GPR20: variants seen among roughly 807,000 people sequenced by gnomAD.
GPR20 encodes the protein CTD-3064M3.3.
For synonymous variants in GPR20, 241 were observed against 241.9 expected, an observed-to-expected ratio of 1.00 and a Z score of 0.04; for missense variants, 494 against 527.4, an observed-to-expected ratio of 0.94 and a Z score of 0.62.
rs1554612254 is a variant in GPR20, at chr8:141,357,273, G to A, written c.651C>T (p.Gly217=). The change falls in exon 2 of 2, where the codon GGC becomes GGT. Residue 217 remains glycine (G), a synonymous_variant. Coordinates refer to ENST00000377741, the MANE Select transcript of GPR20 (RefSeq NM_005293.3). ...GCCGCGACAGTGCACACATGATGCG[G>A]CCGGTAAACACGCTGATGACCAGCA... ...LPLLVISVFT[G]RIMCALSRPG... is the part of the protein sequence containing the mutation. 5 of 1,542,952 alleles carry A rather than the reference G, an allele frequency of 3.2e-6. No individual in the cohort carries two copies. Among genetic ancestry groups the A allele is most frequent in the South Asian group, 1.2e-5 (1 of 84,918 alleles).
rs772120190 is a variant in GPR20, at chr8:141,357,710, C to T, written c.214G>A (p.Gly72Arg). The T allele has an allele frequency of 1.9e-5, 30 of 1,613,302 alleles. No individual in the cohort carries two copies. The highest frequency in any genetic ancestry group is 4.4e-5 in the South Asian group (4 of 91,086). ...AIFLAGLVLN[G>R]LALYVFCCRT... ...CAGCAGAAGACGTACAGCGCCAGCCCGTTGAGCACCAGCCCTGCCAGGAAG... is the reference window on the plus strand; with the variant it reads ...CAGCAGAAGACGTACAGCGCCAGCCTGTTGAGCACCAGCCCTGCCAGGAAG... The change falls in exon 2 of 2, where the codon GGG becomes AGG. Residue 72 changes from glycine to arginine, a missense_variant. Transcript: ENST00000377741.
chr8:141,361,870 A>G (rs1482301166), intron 1 of GPR20, among the ~76,000 whole-genome samples: 2 of 151,308 alleles, frequency 1.3e-5, no homozygotes, highest in African/African-American at 4.9e-5. Context: ...CAGAGCCCCC[A>G]CCCCTCCAGG....
rs1261036760 is a variant in GPR20 at position 141,357,834 on chromosome 8, C to T, written c.90G>A (p.Leu30=). 1 of 1,613,146 alleles carries T rather than the reference C, an allele frequency of 6.2e-7. No homozygotes were observed. The highest frequency in any genetic ancestry group is 8.5e-7 in the Non-Finnish European group (1 of 1,179,832). The change falls in exon 2 of 2, where the codon CTG becomes CTA. Residue 30 remains leucine, a synonymous_variant. Coordinates refer to ENST00000377741, the MANE Select transcript of GPR20 (RefSeq NM_005293.3). The part of the protein sequence containing the change: ...VTTVRTNASG[L]EVPLFHLFAR... The stretch of plus-strand genomic sequence containing the variant: ...CAAACAGGTGGAACAGGGGCACCTC[C>T]AGCCCGCTGGCATTGGTCCGCACTG...
In GPR20 at chr8:141,357,446, G is replaced by A. The variant is rs769778958; in HGVS notation, c.478C>T (p.Arg160Cys). The A allele has an allele frequency of 1.4e-5, 23 of 1,603,014 alleles. No homozygotes were observed. The highest frequency in any genetic ancestry group is 3.4e-5 in the Admixed American group (2 of 58,932). The change falls in exon 2 of 2, where the codon CGC (arginine) becomes TGC (cysteine). Residue 160 changes from arginine (R) to cysteine (C), a missense_variant. Transcript: ENST00000377741. ...LAIVRPEGSRRCRQPACARAV... is the reference protein window; with the variant it reads ...LAIVRPEGSRCCRQPACARAV... ...CTGGCACAGGCAGGCTGGCGGCAGCGGCGGGAGCCTTCGGGCCGCACGATG... is the reference window on the plus strand; with the variant it reads ...CTGGCACAGGCAGGCTGGCGGCAGCAGCGGGAGCCTTCGGGCCGCACGATG...
intron 1 of GPR20, among the ~76,000 whole-genome samples, chr8:141,365,731 G>A (rs1239080389): frequency 6.6e-6 from 1 of 152,206 alleles, no homozygotes; most frequent in Non-Finnish European, 1.5e-5. Flanking sequence ...TCAGGGCTCT[G>A]TGAGACACCG....
chr8:141,366,165 C>G (rs1375325601), intron 1 of GPR20, among the ~76,000 whole-genome samples: 2 of 152,244 alleles, frequency 1.3e-5, no homozygotes, highest in East Asian at 3.8e-4. Flanking sequence ...CCCCCACGCC[C>G]GGCTCTCCAG....
intron 1 of GPR20, among the ~76,000 whole-genome samples, chr8:141,360,607 G>T (rs1185853816): frequency 6.6e-6 from 1 of 152,248 alleles, no homozygotes; most frequent in Admixed American, 6.5e-5. Flanking sequence ...AGAAGGAGGA[G>T]GAATGCAAGC....
chr8:141,364,988 C>T (rs1831793623), intron 1 of GPR20, among the ~76,000 whole-genome samples: 1 of 152,232 alleles, frequency 6.6e-6, no homozygotes, highest in East Asian at 1.9e-4. Context: ...TCATGTGCAC[C>T]TGCCTGGCCT....
rs768296986 is a variant in GPR20, at chr8:141,357,404, C to G, written c.520G>C (p.Val174Leu). ...PACARAVCAF[V>L]WLAAGAVTLS... Reference sequence around the variant, plus strand: ...GTGACGGCACCGGCGGCCAGCCACACGAAGGCGCACACGGCCCTGGCACAG... The same window carrying G: ...GTGACGGCACCGGCGGCCAGCCACAGGAAGGCGCACACGGCCCTGGCACAG... The change falls in exon 2 of 2, where the codon GTG becomes CTG. Residue 174 changes from valine (V) to leucine (L), a missense_variant. Val to Leu is a conservative substitution (Grantham distance 32). Coordinates refer to ENST00000377741, the MANE Select transcript of GPR20 (RefSeq NM_005293.3). 8.8e-6 allele frequency: 14 copies of G among 1,596,634 alleles called. No homozygotes were observed. The highest frequency in any genetic ancestry group is 1.3e-5 in the African/African-American group (1 of 74,652).
At chr8:141,366,287 T>A (rs1051671263) in intron 1 of GPR20, among the ~76,000 whole-genome samples, 3 of 152,050 alleles carry the variant, frequency 2.0e-5, no homozygotes, top group Non-Finnish European at 2.9e-5. Flanking sequence ...GGATGAGTCC[T>A]GGGGGGAGAG....
Position 141,356,907 on chromosome 8 carries a change from G to A in GPR20, c.1017C>T (p.His339=), listed in dbSNP as rs190218279. Residue 339 remains histidine, a synonymous_variant, in exon 2 of 2, where the codon CAC becomes CAT. Transcript: ENST00000377741. ...GGGCGTGAGGGCCGGCACTGAGGAT[G>A]TGATGACGGCCTGAGCCCTTGGAGC... The part of the protein sequence containing the change: ...HRSSKGSGRH[H]ILSAGPHALT... The A allele has an allele frequency of 1.0e-3, 1,653 of 1,611,692 alleles. 24 individuals carry two copies. In the East Asian group the frequency reaches 0.022, roughly 22 times the overall value.
chr8:141,360,754 C>T lies in GPR20; in HGVS notation c.-24-2807G>A, dbSNP rs905805632. On this transcript the variant is annotated intron_variant, in intron 1 of 1. Transcript: ENST00000377741. ...CACAGACTCTGCTCTCCGGAGGGCCCGGGTGATGAGCAGTCACCAGCACAG... is the reference window on the plus strand; with the variant it reads ...CACAGACTCTGCTCTCCGGAGGGCCTGGGTGATGAGCAGTCACCAGCACAG... Among the ~76,000 whole-genome samples, 16 of 152,234 alleles carry T rather than the reference C, an allele frequency of 1.1e-4. No homozygotes were observed. In the East Asian group the frequency reaches 2.5e-3, roughly 24 times the overall value.
intron 1 of GPR20, among the ~76,000 whole-genome samples, chr8:141,363,434 G>A (rs1162316261): frequency 6.6e-6 from 1 of 152,274 alleles, no homozygotes; most frequent in Non-Finnish European, 1.5e-5. Context: ...AGGGGTGGGA[G>A]CGAGCATCGA....
At chr8:141,358,677 C>A (rs1029661455) in intron 1 of GPR20, among the ~76,000 whole-genome samples, 1 of 152,210 alleles carries the variant, frequency 6.6e-6, no homozygotes, top group Non-Finnish European at 1.5e-5. Context: ...TCATGAGGGA[C>A]CTTTACAAAG....
chr8:141,361,438 C>T (rs1031354111), intron 1 of GPR20, among the ~76,000 whole-genome samples: 10 of 152,358 alleles, frequency 6.6e-5, no homozygotes, highest in African/African-American at 2.4e-4. Flanking sequence ...TCAGTTTCCT[C>T]ATCTGTAGAG....
In GPR20 at chr8:141,357,283, A is replaced by G; in HGVS notation, c.641T>C (p.Val214Ala). Residue 214 changes from valine to alanine, a missense_variant, in exon 2 of 2, where the codon GTG becomes GCG. Physicochemically the swap from Val to Ala is moderately conservative, Grantham distance 64. Transcript: ENST00000377741. ...TGCACACATGATGCGGCCGGTAAACACGCTGATGACCAGCAGGGGCAGCAG... is the reference window on the plus strand; with the variant it reads ...TGCACACATGATGCGGCCGGTAAACGCGCTGATGACCAGCAGGGGCAGCAG... The part of the protein sequence containing the change: ...EFLLPLLVIS[V>A]FTGRIMCALS... The G allele has an allele frequency of 6.5e-7, 1 of 1,542,452 alleles. No homozygotes were observed. The highest frequency in any genetic ancestry group is 1.2e-5 in the South Asian group (1 of 84,894).
At chr8:141,358,699 G>A (rs951751501) in intron 1 of GPR20, among the ~76,000 whole-genome samples, 1 of 152,240 alleles carries the variant, frequency 6.6e-6, no homozygotes, top group African/African-American at 2.4e-5. Context: ...GAATTAGGCT[G>A]TCCAGTGGGG....
chr8:141,357,678 G>A lies in GPR20; in HGVS notation c.246C>T (p.Thr82=), dbSNP rs1334039847. The A allele has an allele frequency of 1.2e-6, 2 of 1,613,406 alleles. No homozygotes were observed. The highest frequency in any genetic ancestry group is 2.7e-5 in the African/African-American group (2 of 74,836). Residue 82 remains threonine (T), a synonymous_variant, in exon 2 of 2, where the codon ACC becomes ACT. Transcript: ENST00000377741. The stretch of plus-strand genomic sequence containing the variant: ...AGATGACTGAGGGTGTCTTGGCCCG[G>A]GTGCGGCAGCAGAAGACGTACAGCG... The part of the protein sequence containing the change: ...GLALYVFCCR[T]RAKTPSVIYT...
chr8:141,357,428 A>T lies in GPR20; in HGVS notation c.496T>A (p.Cys166Ser). Residue 166 changes from cysteine to serine, a missense_variant, in exon 2 of 2, where the codon TGT (cysteine) becomes AGT (serine). By Grantham distance (112) the Cys-to-Ser change is moderately radical. Transcript: ENST00000377741. Reference sequence around the variant, plus strand: ...ACGAAGGCGCACACGGCCCTGGCACAGGCAGGCTGGCGGCAGCGGCGGGAG... The same window carrying T: ...ACGAAGGCGCACACGGCCCTGGCACTGGCAGGCTGGCGGCAGCGGCGGGAG... ...EGSRRCRQPA[C>S]ARAVCAFVWL... is the part of the protein sequence containing the mutation. The T allele has an allele frequency of 6.2e-7, 1 of 1,606,860 alleles. No homozygotes were observed. Among genetic ancestry groups the T allele is most frequent in the South Asian group, 1.1e-5 (1 of 90,648 alleles).
Sources: allele counts gnomAD v4.1 joint callset (sites outside exome capture counted in the v4.1 genomes callset), GRCh38; gene constraint gnomAD v4.1.1; transcripts MANE v1.5; gene names NCBI Gene and HGNC (gene_info 2026-07-23, HGNC 2026-07-21).